Variants in NDRG1 observed in about 807,000 individuals in gnomAD.
NDRG1 encodes the protein protein NDRG1.
A neutral mutation model predicts 56.9 loss-of-function variants in NDRG1; 32 were observed. The ratio of observed to expected loss-of-function variants is 0.56; its 90% CI spans 0.42 to 0.76. NDRG1 has a LOEUF of 0.76. Among genes scored for constraint, NDRG1 ranks in the 30% least tolerant of loss-of-function variants. The pLI, the probability that NDRG1 is intolerant of heterozygous loss-of-function variation, is 0.00. For synonymous variants in NDRG1, 211 were observed against 204.1 expected (o/e 1.03, Z -0.29); for missense variants, 507 against 545.7 (o/e 0.93, Z 0.71).
In NDRG1 at chr8:133,239,036, G is replaced by T. The variant is rs146613168; in HGVS notation, c.1027C>A (p.Arg343Ser). The T allele has an allele frequency of 6.3e-7, 1 of 1,596,878 alleles. No homozygotes were observed. Among genetic ancestry groups the T allele is most frequent in the Admixed American group, 1.8e-5 (1 of 56,808 alleles). The change falls in exon 16 of 16, where the codon CGC becomes AGC. Residue 343 changes from arginine to serine, a missense_variant. Physicochemically the swap from Arg to Ser is moderately radical, Grantham distance 110. Coordinates refer to ENST00000323851, the MANE Select transcript of NDRG1 (RefSeq NM_006096.4). ...CGGGTGCCCTCGCTGGTGTGGGAGCGGCTGCGGGTGCCATCCAGAGAAGTG... is the reference window on the plus strand; with the variant it reads ...CGGGTGCCCTCGCTGGTGTGGGAGCTGCTGCGGGTGCCATCCAGAGAAGTG... ...SVTSLDGTRS[R>S]SHTSEGTRSR...
chr8:133,273,273 T>C (rs536284447), intron 3 of NDRG1, among the ~76,000 whole-genome samples: 5 of 152,270 alleles, frequency 3.3e-5, no homozygotes, highest in African/African-American at 1.2e-4. Context: ...AAAAAGCAAT[T>C]TGAAGCCACA....
rs932808583 is a variant in NDRG1 at position 133,297,163 on chromosome 8, G to A, written c.-48C>T. On this transcript the variant is annotated 5_prime_UTR_variant, in exon 1 of 16. Coordinates refer to ENST00000323851, the MANE Select transcript of NDRG1 (RefSeq NM_006096.4). ...CGCGAGGGAGAAAGGAAAGGACGGTGCCGAGGCTGGCGGCCCAGCGCCCCG... is the reference window on the plus strand; with the variant it reads ...CGCGAGGGAGAAAGGAAAGGACGGTACCGAGGCTGGCGGCCCAGCGCCCCG... The A allele has an allele frequency of 1.3e-5, 2 of 152,368 alleles. No homozygotes were observed. Among genetic ancestry groups the A allele is most frequent in the Admixed American group, 6.5e-5 (1 of 15,292 alleles). The allele number at this position is 152,368 out of a possible 1,614,324, so 9.4% of individuals were successfully genotyped here.
At chr8:133,278,821 C>T (rs986670709) in intron 3 of NDRG1, among the ~76,000 whole-genome samples, 1 of 151,874 alleles carries the variant, frequency 6.6e-6, no homozygotes, top group African/African-American at 2.4e-5. Context: ...CAGAGTCTGG[C>T]ACCACTTCCC....
intron 1 of NDRG1, among the ~76,000 whole-genome samples, chr8:133,294,166 C>T (rs1200469136): frequency 6.6e-6 from 1 of 152,154 alleles, no homozygotes; most frequent in Non-Finnish European, 1.5e-5. Context: ...CTTCAGGCGC[C>T]CCAACATGTT....
At chr8:133,287,531 T>A (rs1392742712) in intron 1 of NDRG1, among the ~76,000 whole-genome samples, 2 of 152,234 alleles carry the variant, frequency 1.3e-5, no homozygotes, top group African/African-American at 4.8e-5. Flanking sequence ...AGGCACTCCC[T>A]TGGGCTCACT....
At chr8:133,248,986 C>A (rs1463071303) in intron 10 of NDRG1, among the ~76,000 whole-genome samples, 9 of 152,188 alleles carry the variant, frequency 5.9e-5, no homozygotes, top group Non-Finnish European at 1.3e-4. Context: ...GCATTTCAAG[C>A]AGAGCCCCCT....
At chr8:133,283,172 C>A (rs889566966) in intron 2 of NDRG1, among the ~76,000 whole-genome samples, 1 of 152,214 alleles carries the variant, frequency 6.6e-6, no homozygotes, top group African/African-American at 2.4e-5. Flanking sequence ...CTCCCTAAGA[C>A]CCAACTTCCT....
chr8:133,250,673 G>A (rs1051685463), intron 9 of NDRG1, 130 bp from the exon 10 acceptor site: 10 of 805,014 alleles, frequency 1.2e-5, no homozygotes, highest in African/African-American at 3.4e-5. Flanking sequence ...AGACAGCGAC[G>A]GACCTAAAAA....
chr8:133,296,171 C>T (rs935671442), intron 1 of NDRG1, among the ~76,000 whole-genome samples: 1 of 150,714 alleles, frequency 6.6e-6, no homozygotes, highest in African/African-American at 2.4e-5. Context: ...GAGACCGCGG[C>T]GGATCCCCCA....
At chr8:133,263,074 CCAA>C (rs1418341665) in intron 4 of NDRG1, among the ~76,000 whole-genome samples, 2 of 152,194 alleles carry the variant, frequency 1.3e-5, no homozygotes, top group Non-Finnish European at 2.9e-5. Flanking sequence ...CTATTATAAA[CCAA>C]CAATGAGCCT....
At chr8:133,294,677 G>T (rs75465844) in intron 1 of NDRG1, among the ~76,000 whole-genome samples, 8 of 152,140 alleles carry the variant, frequency 5.3e-5, no homozygotes, top group South Asian at 2.1e-4. Flanking sequence ...GTCATGGGGG[G>T]GGGGCAGCCC....
At chr8:133,254,116 T>C (rs1856234742) in intron 9 of NDRG1, among the ~76,000 whole-genome samples, 1 of 151,904 alleles carries the variant, frequency 6.6e-6, no homozygotes, top group African/African-American at 2.4e-5. Flanking sequence ...ATAATGCCAT[T>C]TATATAAAAT....
chr8:133,271,579 T>C (rs532161372), intron 3 of NDRG1, among the ~76,000 whole-genome samples: 1 of 152,134 alleles, frequency 6.6e-6, no homozygotes, highest in South Asian at 2.1e-4. Flanking sequence ...AACTTTGAGT[T>C]TGAGACCAGC....
intron 12 of NDRG1, among the ~76,000 whole-genome samples, chr8:133,247,444 A>C (rs912266806): frequency 6.6e-6 from 1 of 152,216 alleles, no homozygotes; most frequent in African/African-American, 2.4e-5. Flanking sequence ...ACAAAGTTGC[A>C]GGTGGGAGTT....
At chr8:133,289,235 GT>G (rs1858298077) in intron 1 of NDRG1, among the ~76,000 whole-genome samples, 2 of 152,154 alleles carry the variant, frequency 1.3e-5, no homozygotes, top group Non-Finnish European at 2.9e-5. Flanking sequence ...CTTTGCCTCA[GT>G]TTGCTTGTCT....
chr8:133,248,072 T>C, intron 11 of NDRG1, 146 bp from the exon 12 acceptor site: 1 of 767,936 alleles, frequency 1.3e-6, no homozygotes, highest in Non-Finnish European at 2.3e-6. Flanking sequence ...TTCATTCTCC[T>C]TTGATCTTAG....
chr8:133,268,174 G>A (rs1250422603), intron 3 of NDRG1, among the ~76,000 whole-genome samples: 1 of 152,102 alleles, frequency 6.6e-6, no homozygotes, highest in Non-Finnish European at 1.5e-5. Context: ...GTATCTGCTG[G>A]ATAAGAGATC....
chr8:133,246,699 G>C (rs2233338), intron 12 of NDRG1, 36 bp from the exon 13 acceptor site: 2 of 1,608,924 alleles, frequency 1.2e-6, no homozygotes, highest in African/African-American at 2.7e-5. Context: ...AATTTTCTAC[G>C]TGAAGCCAAA....
Position 133,262,178 on chromosome 8 carries a change from GC to G in NDRG1, c.206-12del. On this transcript the variant is annotated splice_polypyrimidine_tract_variant and intron_variant, in intron 4 of 15. Transcript: ENST00000323851. ...TGTAGCAGGTTTTGTCTGAAGAACA[GC>G]AGTGAGGGAGAGAAGAGAAAAAAGT... 1.9e-6 allele frequency: 3 copies of G among 1,614,034 alleles called. No homozygotes were observed. The highest frequency in any genetic ancestry group is 2.5e-6 in the Non-Finnish European group (3 of 1,180,018).
Sources: gnomAD v4.1 joint callset for allele counts (sites outside exome capture counted in the v4.1 genomes callset) on GRCh38, gnomAD v4.1.1 for gene constraint, MANE v1.5 for transcripts, NCBI Gene and HGNC (gene_info 2026-07-23, HGNC 2026-07-21) for gene names.